CD200R1L: variants seen among roughly 807,000 people sequenced by gnomAD.
CD200R1L encodes CD200 receptor 1 like.
Under a neutral mutation model 24.8 loss-of-function variants are expected in CD200R1L, and 14 were observed. That is an observed-to-expected ratio of 0.56 (90% CI 0.37 to 0.88). The LOEUF (loss-of-function observed/expected upper bound fraction) is 0.88. Ranked by LOEUF, CD200R1L falls within the 40% of genes least tolerant of loss-of-function variation. The pLI, the probability that CD200R1L is intolerant of heterozygous loss-of-function variation, is 0.00. For missense variants in CD200R1L, 299 were observed against 297.8 expected, an observed-to-expected ratio of 1.00 and a Z score of -0.03; for synonymous variants, 111 against 109.2, an observed-to-expected ratio of 1.02 and a Z score of -0.11.
intron 4 of CD200R1L, among the ~76,000 whole-genome samples, chr3:112,828,091 C>T (rs1559922775): frequency 6.6e-6 from 1 of 152,072 alleles, no homozygotes. Flanking sequence ...AATTCATGTG[C>T]CTTGGAAAAG....
intron 2 of CD200R1L, among the ~76,000 whole-genome samples, chr3:112,844,692 G>T (rs1233328857): frequency 6.6e-6 from 1 of 151,876 alleles, no homozygotes; most frequent in Non-Finnish European, 1.5e-5. Context: ...TTTGGGAGCT[G>T]AGGGGGGTGG....
At chr3:112,823,564 A>G (rs1938592044) in intron 6 of CD200R1L, among the ~76,000 whole-genome samples, 1 of 151,990 alleles carries the variant, frequency 6.6e-6, no homozygotes, top group Non-Finnish European at 1.5e-5. Context: ...ACTCACACAC[A>G]TTTGGTGTCA....
intron 2 of CD200R1L, among the ~76,000 whole-genome samples, chr3:112,840,714 C>T (rs1277554102): frequency 6.6e-6 from 1 of 151,932 alleles, no homozygotes; most frequent in East Asian, 1.9e-4. Flanking sequence ...AATGAGAGTG[C>T]CAGAGGAAAA....
chr3:112,823,776 AAG>A (rs1275501654), intron 6 of CD200R1L, among the ~76,000 whole-genome samples: 1 of 152,228 alleles, frequency 6.6e-6, no homozygotes, highest in African/African-American at 2.4e-5. Flanking sequence ...GCAATGGAAG[AAG>A]AGAGTGCAGG....
Position 112,827,537 on chromosome 3 carries a change from T to C in CD200R1L, c.197A>G (p.Glu66Gly). 4 of 1,614,218 alleles carry C rather than the reference T, an allele frequency of 2.5e-6. No homozygotes were observed. The highest frequency in any genetic ancestry group is 3.4e-6 in the Non-Finnish European group (4 of 1,180,040). ...AACAGTACAGTTGGTTTCCTTGGTC[T>C]CATTTGTTTCTTTCTTGTAGGCTTT... The part of the protein sequence containing the change: ...CTKAYKKETN[E>G]TKETNCTVER... Residue 66 changes from glutamate (E) to glycine (G), a missense_variant, in exon 5 of 8, where the codon GAG becomes GGG. Transcript: ENST00000488794.
intron 6 of CD200R1L, among the ~76,000 whole-genome samples, chr3:112,826,083 A>G (rs1015364957): frequency 6.6e-6 from 1 of 152,178 alleles, no homozygotes; most frequent in Non-Finnish European, 1.5e-5. Context: ...TTAGATGTCA[A>G]TAAAGCTGAT....
At chr3:112,830,880 G>GA (rs75974602) in intron 3 of CD200R1L, among the ~76,000 whole-genome samples, 101 of 145,054 alleles carry the variant, frequency 7.0e-4, no homozygotes, top group South Asian at 1.5e-3. Flanking sequence ...GGTTAAAAAG[G>GA]AAAAAAAAAA....
intron 3 of CD200R1L, among the ~76,000 whole-genome samples, chr3:112,837,403 A>T (rs1414313997): frequency 6.6e-6 from 1 of 152,120 alleles, no homozygotes. Flanking sequence ...ATTTGAGTAC[A>T]ACTTGACTTT....
At chr3:112,825,805 A>G (rs1238754772) in intron 6 of CD200R1L, among the ~76,000 whole-genome samples, 1 of 152,212 alleles carries the variant, frequency 6.6e-6, no homozygotes, top group East Asian at 1.9e-4. Flanking sequence ...CTAAGGAGAT[A>G]AAAGGGAAAA....
At chr3:112,822,134 A>T (rs1363696566) in intron 6 of CD200R1L, among the ~76,000 whole-genome samples, 1 of 152,236 alleles carries the variant, frequency 6.6e-6, no homozygotes, top group Admixed American at 6.5e-5. Context: ...CACTGTGCTG[A>T]GAGTCACAGA....
At chr3:112,833,830 T>C (rs970770800) in intron 3 of CD200R1L, among the ~76,000 whole-genome samples, 4 of 152,166 alleles carry the variant, frequency 2.6e-5, no homozygotes, top group African/African-American at 9.7e-5. Flanking sequence ...AAGCCAAAAG[T>C]GGACTGTTGT....
At position 112,845,900 on chromosome 3, in the gene CD200R1L, CTA is replaced by C. The variant is rs1250705683; in HGVS notation, c.-310_-309del. 6.9e-6 allele frequency: 4 copies of C among 581,242 alleles called. No homozygotes were observed. Among genetic ancestry groups the C allele is most frequent in the African/African-American group, 3.8e-5 (2 of 52,952 alleles). The allele number at this position is 581,242 out of a possible 1,614,324, so 36.0% of individuals were successfully genotyped here. ...CTTATCTTTAATTTTTGCTGTCATT[CTA>C]TATGTTTTTGACTGATTAACCACTG... On this transcript the variant is annotated 5_prime_UTR_variant, in exon 2 of 8. Transcript: ENST00000488794.
chr3:112,826,466 C>A (rs2107337044), intron 6 of CD200R1L, among the ~76,000 whole-genome samples: 1 of 152,226 alleles, frequency 6.6e-6, no homozygotes, highest in East Asian at 1.9e-4. Flanking sequence ...ATGTGAGAGG[C>A]TTTGCTCCTA....
At chr3:112,823,542 G>A (rs1938591385) in intron 6 of CD200R1L, among the ~76,000 whole-genome samples, 1 of 152,166 alleles carries the variant, frequency 6.6e-6, no homozygotes, top group African/African-American at 2.4e-5. Flanking sequence ...ATTAGTTGGT[G>A]TAGGGAAAAA....
chr3:112,845,791 A>G lies in CD200R1L; in HGVS notation c.-199T>C. On this transcript the variant is annotated 5_prime_UTR_variant, in exon 2 of 8. Coordinates refer to ENST00000488794, the MANE Select transcript of CD200R1L (RefSeq NM_001199215.3). ...ATAAATCCACTTTAAATCAATCAACAGACTTGGTGAATCTGTTTCTCTTGG... is the reference window on the plus strand; with the variant it reads ...ATAAATCCACTTTAAATCAATCAACGGACTTGGTGAATCTGTTTCTCTTGG... The G allele has an allele frequency of 7.7e-7, 1 of 1,292,986 alleles. No homozygotes were observed. The highest frequency in any genetic ancestry group is 1.1e-6 in the Non-Finnish European group (1 of 894,604). The allele number at this position is 1,292,986 out of a possible 1,614,324, so 80.1% of individuals were successfully genotyped here.
chr3:112,846,382 T>C (rs1412582809), intron 1 of CD200R1L, among the ~76,000 whole-genome samples: 2 of 152,268 alleles, frequency 1.3e-5, no homozygotes, highest in South Asian at 2.1e-4. Context: ...AATTTATTCA[T>C]CAATTTCTCT....
chr3:112,827,012 C>G lies in CD200R1L; in HGVS notation c.597G>C (p.Leu199=), dbSNP rs1938672534. 7 of 1,608,828 alleles carry G rather than the reference C, an allele frequency of 4.4e-6. No homozygotes were observed. The highest frequency in any genetic ancestry group is 2.1e-4 in the Middle Eastern group (1 of 4,870). Residue 199 remains leucine (L), a synonymous_variant, in exon 6 of 8, where the codon CTG becomes CTC. Coordinates refer to ENST00000488794, the MANE Select transcript of CD200R1L (RefSeq NM_001199215.3). ...HVSHLTGNKS[L]SVKLNSGLRT... ...GCTTACCTGAATTCAACTTTACGGA[C>G]AGACTCTTGTTGCCAGTCAAATGGG... is the stretch of plus-strand genomic sequence containing the variant.
At chr3:112,830,672 T>A (rs1938775490) in intron 3 of CD200R1L, among the ~76,000 whole-genome samples, 1 of 152,082 alleles carries the variant, frequency 6.6e-6, no homozygotes, top group Non-Finnish European at 1.5e-5. Context: ...AGTGAAGTGC[T>A]AACTGGACAC....
Position 112,821,491 on chromosome 3 carries a change from T to C in CD200R1L, c.617-1596A>G, listed in dbSNP as rs547507524. 2.0e-5 allele frequency among the ~76,000 whole-genome samples: 3 copies of C among 152,374 alleles called. No homozygotes were observed. In the South Asian group the frequency reaches 6.2e-4, roughly 32 times the overall value. ...CTACTCTGTGTTCACCTTATCATAA[T>C]TGACTATTCCTCTAATTGCTCCTTT... is the stretch of plus-strand genomic sequence containing the variant. On this transcript the variant is annotated intron_variant, in intron 6 of 7. Transcript: ENST00000488794.
Sources: gnomAD v4.1 joint callset for allele counts (sites outside exome capture counted in the v4.1 genomes callset) on GRCh38, gnomAD v4.1.1 for gene constraint, MANE v1.5 for transcripts, NCBI Gene and HGNC (gene_info 2026-07-23, HGNC 2026-07-21) for gene names.